CCDC178: variants seen among roughly 807,000 people sequenced by gnomAD.
CCDC178 encodes the protein coiled-coil domain containing 178, also known as coiled-coil domain-containing protein 178.
A neutral mutation model predicts 117.4 loss-of-function variants in CCDC178; 126 were observed. That is an observed-to-expected ratio of 1.07 (90% CI 0.93 to 1.24). The LOEUF (loss-of-function observed/expected upper bound fraction) is 1.24, where lower values mean the gene tolerates loss of function less well. Ranked by LOEUF, CCDC178 falls within the 50% of genes most tolerant of loss-of-function variation. The pLI is 0.00. For synonymous variants in CCDC178, 283 were observed against 313.4 expected (o/e 0.90, Z 1.02); for missense variants, 1,030 against 986.9 (o/e 1.04, Z -0.59).
chr18:32,977,797 T>A (rs939895678), intron 21 of CCDC178, among the ~76,000 whole-genome samples: 2 of 152,140 alleles, frequency 1.3e-5, no homozygotes, highest in Admixed American at 6.5e-5. Context: ...TACCTTATTA[T>A]TTCCCCCAAG....
chr18:33,086,829 G>C (rs1009688339), intron 21 of CCDC178, among the ~76,000 whole-genome samples: 2 of 151,968 alleles, frequency 1.3e-5, no homozygotes, highest in African/African-American at 2.4e-5. Context: ...AGGGGAGAGG[G>C]ACTGTCCTGT....
At chr18:33,350,274 A>G (rs1304131750) in intron 7 of CCDC178, among the ~76,000 whole-genome samples, 1 of 151,980 alleles carries the variant, frequency 6.6e-6, no homozygotes, top group Non-Finnish European at 1.5e-5. Context: ...TAATTTTTCT[A>G]TTTTTTTAAT....
chr18:33,172,001 C>G (rs975534943), intron 20 of CCDC178, among the ~76,000 whole-genome samples: 1 of 152,156 alleles, frequency 6.6e-6, no homozygotes, highest in African/African-American at 2.4e-5. Context: ...ACCTCCACCT[C>G]CCAGGTTCAA....
intron 9 of CCDC178, among the ~76,000 whole-genome samples, chr18:33,336,028 A>G (rs561596776): frequency 6.6e-6 from 1 of 152,302 alleles, no homozygotes; most frequent in African/African-American, 2.4e-5. Context: ...CGTACAGAAC[A>G]TTTAAATGAC....
At position 33,156,396 on chromosome 18, in the gene CCDC178, T is replaced by C. The variant is rs148886344; in HGVS notation, c.2238+55500A>G. 4.0e-5 allele frequency among the ~76,000 whole-genome samples: 6 copies of C among 151,648 alleles called. No homozygotes were observed. The East Asian group carries it at 1.2e-3, about 29-fold the overall frequency. On this transcript the variant is annotated intron_variant, in intron 20 of 22. Coordinates refer to ENST00000383096, the MANE Select transcript of CCDC178 (RefSeq NM_001105528.4). ...AGCCACCGCACCCTGCTGAAAACGTTTTCTTTTAAACAATCTGAAATATAT... is the reference window on the plus strand; with the variant it reads ...AGCCACCGCACCCTGCTGAAAACGTCTTCTTTTAAACAATCTGAAATATAT...
At chr18:33,411,580 T>A (rs1228763462) in intron 3 of CCDC178, among the ~76,000 whole-genome samples, 1 of 151,954 alleles carries the variant, frequency 6.6e-6, no homozygotes, top group East Asian at 1.9e-4. Context: ...CATATAATTT[T>A]AAAAATAGAA....
In CCDC178 at chr18:33,293,247, G is replaced by GT. The variant is rs1568122643; in HGVS notation, c.1087dup (p.Thr363AsnfsTer2). 28 of 1,555,448 alleles carry GT rather than the reference G, an allele frequency of 1.8e-5. No homozygotes were observed. The highest frequency in any genetic ancestry group is 2.5e-5 in the Non-Finnish European group (28 of 1,129,660). On this transcript the variant is annotated frameshift_variant, in exon 12 of 23. Coordinates refer to ENST00000383096, the MANE Select transcript of CCDC178 (RefSeq NM_001105528.4). LOFTEE classifies it high-confidence loss of function. ...TTCCTCTTCCTTCTCCTCAATATTA[G>GT]TATTAACATTTATCACTGATGAAGA... is the stretch of plus-strand genomic sequence containing the variant.
chr18:33,192,303 G>A (rs1330199318), intron 20 of CCDC178, among the ~76,000 whole-genome samples: 1 of 152,072 alleles, frequency 6.6e-6, no homozygotes, highest in East Asian at 1.9e-4. Context: ...AAGATAAAAC[G>A]TTAGATATAG....
At chr18:33,150,501 T>A (rs2058328763) in intron 20 of CCDC178, among the ~76,000 whole-genome samples, 1 of 152,170 alleles carries the variant, frequency 6.6e-6, no homozygotes, top group African/African-American at 2.4e-5. Context: ...AGGACTAATA[T>A]CCGGCATCTA....
intron 4 of CCDC178, among the ~76,000 whole-genome samples, chr18:33,396,411 A>G (rs2063637961): frequency 6.6e-6 from 1 of 152,140 alleles, no homozygotes; most frequent in African/African-American, 2.4e-5. Context: ...AATGTCAACG[A>G]TAGATATACC....
At chr18:33,079,834 A>G (rs1179750251) in intron 21 of CCDC178, among the ~76,000 whole-genome samples, 1 of 152,198 alleles carries the variant, frequency 6.6e-6, no homozygotes, top group Non-Finnish European at 1.5e-5. Flanking sequence ...GTGGGAGTGT[A>G]AGTTAGTTCA....
chr18:33,193,701 T>G (rs2058890953), intron 20 of CCDC178, among the ~76,000 whole-genome samples: 1 of 152,220 alleles, frequency 6.6e-6, no homozygotes, highest in Admixed American at 6.5e-5. Flanking sequence ...CATAGTTTAT[T>G]GAAAAACTGT....
At chr18:33,142,891 A>G (rs1598926181) in intron 20 of CCDC178, among the ~76,000 whole-genome samples, 2 of 152,180 alleles carry the variant, frequency 1.3e-5, no homozygotes, top group Non-Finnish European at 2.9e-5. Context: ...TTATCCCCTG[A>G]GCTGCTTGGG....
chr18:33,311,397 A>G (rs1198491474), intron 11 of CCDC178, among the ~76,000 whole-genome samples: 3 of 142,022 alleles, frequency 2.1e-5, no homozygotes, highest in East Asian at 5.2e-4. Context: ...GAGGAGGAAC[A>G]TAAAAAAGAC....
intron 22 of CCDC178, among the ~76,000 whole-genome samples, chr18:32,973,130 A>C (rs2144691067): frequency 6.6e-6 from 1 of 152,280 alleles, no homozygotes; most frequent in South Asian, 2.1e-4. Context: ...TCTCATAAAA[A>C]TTAAAACAAG....
chr18:33,020,107 G>A (rs1296787376), intron 21 of CCDC178, among the ~76,000 whole-genome samples: 2 of 148,090 alleles, frequency 1.4e-5, no homozygotes, highest in Admixed American at 6.8e-5. Context: ...CACCACAACC[G>A]GATAATTGGT....
chr18:33,344,033 G>C (rs1018849163), intron 9 of CCDC178, among the ~76,000 whole-genome samples: 18 of 151,854 alleles, frequency 1.2e-4, no homozygotes, highest in Admixed American at 7.2e-4. Flanking sequence ...GGCCGGGCGC[G>C]GTGGCTCACG....
intron 20 of CCDC178, among the ~76,000 whole-genome samples, chr18:33,188,205 G>A (rs572391542): frequency 2.6e-5 from 4 of 152,094 alleles, no homozygotes; most frequent in African/African-American, 9.6e-5. Context: ...TGCAGGATAG[G>A]GTAATGTTCT....
At position 33,348,979 on chromosome 18, in the gene CCDC178, TATA is replaced by T; in HGVS notation, c.372-7_372-5del. 5.0e-6 allele frequency: 8 copies of T among 1,591,766 alleles called. No individual in the cohort carries two copies. Among genetic ancestry groups the T allele is most frequent in the Non-Finnish European group, 6.9e-6 (8 of 1,166,812 alleles). On this transcript the variant is annotated splice_polypyrimidine_tract_variant and splice_region_variant and intron_variant, in intron 7 of 22. Coordinates refer to ENST00000383096, the MANE Select transcript of CCDC178 (RefSeq NM_001105528.4). ...TTTTGTGGAAGAAGTTCTGCTCCTATATAATGGGAAAGAAGCAAGCAGTAAAGA... is the reference window on the plus strand; with the variant it reads ...TTTTGTGGAAGAAGTTCTGCTCCTATATGGGAAAGAAGCAAGCAGTAAAGA...
Sources: allele counts gnomAD v4.1 joint callset (sites outside exome capture counted in the v4.1 genomes callset), GRCh38; gene constraint gnomAD v4.1.1; transcripts MANE v1.5; gene names NCBI Gene and HGNC (gene_info 2026-07-23, HGNC 2026-07-21).